The following ARID5A variants were observed in gnomAD, a reference collection of about 807,000 sequenced individuals.
ARID5A encodes AT-rich interaction domain 5A.
A neutral mutation model predicts 30.5 loss-of-function variants in ARID5A; 14 were observed. The ratio of observed to expected loss-of-function variants is 0.46; its 90% CI spans 0.30 to 0.72. The LOEUF (loss-of-function observed/expected upper bound fraction) is 0.72, where lower values mean the gene tolerates loss of function less well. Ranked by LOEUF, ARID5A falls within the 30% of genes least tolerant of loss-of-function variation. ARID5A has a pLI of 0.07. For synonymous variants in ARID5A, 338 were observed against 340.4 expected, an observed-to-expected ratio of 0.99 and a Z score of 0.08; for missense variants, 669 against 786.2, an observed-to-expected ratio of 0.85 and a Z score of 1.78.
Position 96,551,693 on chromosome 2 carries a change from T to C in ARID5A, c.1165T>C (p.Trp389Arg). The part of the protein sequence containing the change: ...GLSVKEPQLV[W>R]GGDANRPSAF... ...GTCAGTGAAAGAGCCCCAGCTGGTG[T>C]GGGGCGGAGACGCTAACCGCCCTTC... The change falls in exon 7 of 7, where the codon TGG becomes CGG. Residue 389 changes from tryptophan (W) to arginine (R), a missense_variant. Physicochemically the swap from Trp to Arg is moderately radical, Grantham distance 101 (BLOSUM62 -3). Around this residue, in one of 4 missense-constraint regions of ARID5A, gnomAD observed 548 missense variants for 577.4 expected, o/e 0.95. Coordinates refer to ENST00000357485, the MANE Select transcript of ARID5A (RefSeq NM_212481.3). 1 of 1,521,720 alleles carries C rather than the reference T, an allele frequency of 6.6e-7. No homozygotes were observed. The highest frequency in any genetic ancestry group is 8.8e-7 in the Non-Finnish European group (1 of 1,137,620). 94.3% of individuals were successfully genotyped at this position (1,521,720 alleles called of 1,614,324 possible).
intron 1 of ARID5A, among the ~76,000 whole-genome samples, chr2:96,547,183 G>T (rs2065943751): frequency 6.6e-6 from 1 of 151,324 alleles, no homozygotes; most frequent in Admixed American, 6.6e-5. Flanking sequence ...TAGAGACGGG[G>T]TCTCACTACG....
Position 96,549,750 on chromosome 2 carries a change from C to T in ARID5A, c.260-3C>T, listed in dbSNP as rs371474041. ...ACGGCCAGCCTGCTCTTCTCTCCCC[C>T]AGTTAACCTGTGGAAGATCTACAAA... On this transcript the variant is annotated splice_region_variant and splice_polypyrimidine_tract_variant and intron_variant, in intron 3 of 6. Coordinates refer to ENST00000357485, the MANE Select transcript of ARID5A (RefSeq NM_212481.3). This position sits in a 1 kb window ranked among gnomAD's most constrained non-coding sequence, Gnocchi z 6.1. 6.4e-5 allele frequency: 103 copies of T among 1,613,834 alleles called. No individual in the cohort carries two copies. The highest frequency in any genetic ancestry group is 8.5e-5 in the Non-Finnish European group (100 of 1,179,970).
chr2:96,547,822 G>A (rs2065955529), intron 2 of ARID5A, among the ~76,000 whole-genome samples: 1 of 152,212 alleles, frequency 6.6e-6, no homozygotes, highest in Non-Finnish European at 1.5e-5. Context: ...TGCATAACAT[G>A]GGCGTATAAA....
rs2065753188 is a variant in ARID5A at position 96,537,328 on chromosome 2, T to A, written c.4+498T>A. ...ACTCCGGGTCCAGAGCGCGCGGCCC[T>A]TTCCTCTGCGGCCGCCGTTTCCTGA... On this transcript the variant is annotated intron_variant, in intron 1 of 6. Coordinates refer to ENST00000357485, the MANE Select transcript of ARID5A (RefSeq NM_212481.3). This position sits in a 1 kb window ranked among gnomAD's most constrained non-coding sequence, Gnocchi z 4.8. The A allele has an allele frequency of 6.6e-6, 1 of 152,582 alleles. No homozygotes were observed. The highest frequency in any genetic ancestry group is 6.7e-5 in the Admixed American group (1 of 15,022). 9.5% of individuals were successfully genotyped at this position (152,582 alleles called of 1,614,324 possible). A position where few individuals can be genotyped will look rare whatever the true frequency, so the allele number is the denominator to read the frequency against.
chr2:96,549,550 C>A lies in ARID5A; in HGVS notation c.259+91C>A, dbSNP rs970646380. On this transcript the variant is annotated intron_variant, in intron 3 of 6. Coordinates refer to ENST00000357485, the MANE Select transcript of ARID5A (RefSeq NM_212481.3). The surrounding 1 kb of genome is among the most constrained non-coding windows in gnomAD (Gnocchi z 6.1). ...GGCAGGCACTCCCACTCTGGGTGAC[C>A]CAGGTTGCAGATAGAAAGGAGGCCT... The A allele has an allele frequency of 7.1e-6, 11 of 1,550,342 alleles. No individual in the cohort carries two copies. Among genetic ancestry groups the A allele is most frequent in the Non-Finnish European group, 7.9e-6 (9 of 1,136,246 alleles).
Position 96,551,257 on chromosome 2 carries a change from A to G in ARID5A, c.729A>G (p.Leu243=), listed in dbSNP as rs1199085483. Residue 243 remains leucine (L), a synonymous_variant, in exon 7 of 7, where the codon CTA becomes CTG. Transcript: ENST00000357485. ...GTCCTGAGGCCTACAAGCGGCTCCT[A>G]TCCAGCTTCTACTGCAAGGGGACAC... is the stretch of plus-strand genomic sequence containing the variant. ...SGCPEAYKRL[L]SSFYCKGTHG... is the part of the protein sequence containing the mutation. 9.3e-6 allele frequency: 15 copies of G among 1,613,892 alleles called. No individual in the cohort carries two copies. Among genetic ancestry groups the G allele is most frequent in the East Asian group, 4.5e-5 (2 of 44,878 alleles).
intron 2 of ARID5A, among the ~76,000 whole-genome samples, chr2:96,548,361 G>T (rs1347229350): frequency 6.6e-6 from 1 of 152,134 alleles, no homozygotes; most frequent in African/African-American, 2.4e-5. Flanking sequence ...CAGCTCCTGG[G>T]TTCAAATGAT....
At position 96,551,108 on chromosome 2, in the gene ARID5A, G is replaced by A; in HGVS notation, c.580G>A (p.Gly194Arg). 6.2e-7 allele frequency: 1 copy of A among 1,611,082 alleles called. No individual in the cohort carries two copies. Among genetic ancestry groups the A allele is most frequent in the Non-Finnish European group, 8.5e-7 (1 of 1,178,416 alleles). Residue 194 changes from glycine (G) to arginine (R), a missense_variant, in exon 7 of 7, where the codon GGA becomes AGA. By Grantham distance (125) the Gly-to-Arg change is moderately radical (BLOSUM62 -2). Coordinates refer to ENST00000357485, the MANE Select transcript of ARID5A (RefSeq NM_212481.3). ...EERRMDQMMP[G>R]KTKADAADPA... ...CTTTCTCTCATTCCAGATGATGCCA[G>A]GAAAGACCAAAGCAGATGCTGCTGA...
rs1277834812 is a variant in ARID5A, at chr2:96,550,408, C to T, written c.410+123C>T. The T allele has an allele frequency of 1.3e-5, 18 of 1,430,784 alleles. No individual in the cohort carries two copies. The highest frequency in any genetic ancestry group is 1.5e-5 in the South Asian group (1 of 67,406). The allele number at this position is 1,430,784 out of a possible 1,614,324, so 88.6% of individuals were successfully genotyped here. A position where few individuals can be genotyped will look rare whatever the true frequency, so the allele number is the denominator to read the frequency against. On this transcript the variant is annotated intron_variant, in intron 5 of 6. Transcript: ENST00000357485. The surrounding 1 kb of genome is among the most constrained non-coding windows in gnomAD (Gnocchi z 6.6). Reference sequence around the variant, plus strand: ...AGGGTATGCGCCGTCCTCAGAGCTGCGGGAGCCCAGGCTGGCTGGGCGCAC... The same window carrying T: ...AGGGTATGCGCCGTCCTCAGAGCTGTGGGAGCCCAGGCTGGCTGGGCGCAC...
chr2:96,543,224 C>T (rs1300123978), intron 1 of ARID5A, among the ~76,000 whole-genome samples: 1 of 152,168 alleles, frequency 6.6e-6, no homozygotes, highest in Non-Finnish European at 1.5e-5. Context: ...GAATCCTGGT[C>T]CCCCAGGGAG....
chr2:96,548,169 T>G (rs1352142512), intron 2 of ARID5A, among the ~76,000 whole-genome samples: 1 of 152,228 alleles, frequency 6.6e-6, no homozygotes, highest in Non-Finnish European at 1.5e-5. Flanking sequence ...CCTATGTTGT[T>G]TCTTCTTAGA....
At position 96,550,989 on chromosome 2, in the gene ARID5A, C is replaced by CT; in HGVS notation, c.571-109dup. 1 of 1,331,566 alleles carries CT rather than the reference C, an allele frequency of 7.5e-7. No homozygotes were observed. Among genetic ancestry groups the CT allele is most frequent in the Middle Eastern group, 1.9e-4 (1 of 5,176 alleles). 82.5% of individuals were successfully genotyped at this position (1,331,566 alleles called of 1,614,324 possible). A position where few individuals can be genotyped will look rare whatever the true frequency, so the allele number is the denominator to read the frequency against. ...CCTTTGGAAAATTCTGTACAGAGGA[C>CT]TGCAGGGGCTGGCGGGGGACCTGGG... On this transcript the variant is annotated intron_variant, in intron 6 of 6. Coordinates refer to ENST00000357485, the MANE Select transcript of ARID5A (RefSeq NM_212481.3). This position sits in a 1 kb window ranked among gnomAD's most constrained non-coding sequence, Gnocchi z 6.6.
At position 96,551,275 on chromosome 2, in the gene ARID5A, G is replaced by A. The variant is rs1298135030; in HGVS notation, c.747G>A (p.Lys249=). 6.2e-7 allele frequency: 1 copy of A among 1,613,928 alleles called. No homozygotes were observed. Among genetic ancestry groups the A allele is most frequent in the Non-Finnish European group, 8.5e-7 (1 of 1,180,018 alleles). Reference sequence around the variant, plus strand: ...GGCTCCTATCCAGCTTCTACTGCAAGGGGACACACGGCATCATGTCACCAC... The same window carrying A: ...GGCTCCTATCCAGCTTCTACTGCAAAGGGACACACGGCATCATGTCACCAC... ...YKRLLSSFYC[K]GTHGIMSPLA... The change falls in exon 7 of 7, where the codon AAG becomes AAA. Residue 249 remains lysine (K), a synonymous_variant. Transcript: ENST00000357485.
chr2:96,552,079 C>T lies in ARID5A; in HGVS notation c.1551C>T (p.Pro517=), dbSNP rs1325618488. The T allele has an allele frequency of 7.5e-6, 12 of 1,592,532 alleles. No homozygotes were observed. Among genetic ancestry groups the T allele is most frequent in the Non-Finnish European group, 9.4e-6 (11 of 1,169,160 alleles). ...CPLNFTGTPG[P]LKGQAALPFS... ...TGAACTTCACTGGCACCCCGGGCCC[C>T]TTGAAGGGCCAGGCTGCACTCCCCT... The change falls in exon 7 of 7, where the codon CCC becomes CCT. Residue 517 remains proline, a synonymous_variant. Coordinates refer to ENST00000357485, the MANE Select transcript of ARID5A (RefSeq NM_212481.3).
intron 1 of ARID5A, among the ~76,000 whole-genome samples, chr2:96,545,139 C>CTTTTCT (rs1177441935): frequency 1.4e-5 from 2 of 143,604 alleles, no homozygotes; most frequent in Admixed American, 7.0e-5. Flanking sequence ...CTTTCCTTTT[C>CTTTTCT]TTTTCTTTTT....
In ARID5A at chr2:96,550,550, G is replaced by A; in HGVS notation, c.411-24G>A. 1 of 1,582,044 alleles carries A rather than the reference G, an allele frequency of 6.3e-7. No homozygotes were observed. Among genetic ancestry groups the A allele is most frequent in the South Asian group, 1.2e-5 (1 of 86,654 alleles). ...GAGGGGATGGGCGCCGGCCTCCTGG[G>A]GGACATGCGTGGTTCCTCACCAGGC... is the stretch of plus-strand genomic sequence containing the variant. On this transcript the variant is annotated intron_variant, in intron 5 of 6. Coordinates refer to ENST00000357485, the MANE Select transcript of ARID5A (RefSeq NM_212481.3). This position sits in a 1 kb window ranked among gnomAD's most constrained non-coding sequence, Gnocchi z 6.6.
chr2:96,550,545 C>T lies in ARID5A; in HGVS notation c.411-29C>T, dbSNP rs1244950846. 2 of 1,576,102 alleles carry T rather than the reference C, an allele frequency of 1.3e-6. No homozygotes were observed. The highest frequency in any genetic ancestry group is 1.7e-6 in the Non-Finnish European group (2 of 1,161,554). ...CCAGGGAGGGGATGGGCGCCGGCCT[C>T]CTGGGGGACATGCGTGGTTCCTCAC... On this transcript the variant is annotated intron_variant, in intron 5 of 6. Transcript: ENST00000357485. This position sits in a 1 kb window ranked among gnomAD's most constrained non-coding sequence, Gnocchi z 6.6.
In ARID5A at chr2:96,551,296, A is replaced by T; in HGVS notation, c.768A>T (p.Ser256=). 1 of 1,613,778 alleles carries T rather than the reference A, an allele frequency of 6.2e-7. No individual in the cohort carries two copies. The highest frequency in any genetic ancestry group is 1.1e-5 in the South Asian group (1 of 91,086). ...GCAAGGGGACACACGGCATCATGTC[A>T]CCACTGGCCAAAAAGAAGCTCCTGG... ...FYCKGTHGIM[S]PLAKKKLLAQ... is the part of the protein sequence containing the mutation. The change falls in exon 7 of 7, where the codon TCA becomes TCT. Residue 256 remains serine, a synonymous_variant. Transcript: ENST00000357485.
rs771330048 is a variant in ARID5A at position 96,551,167 on chromosome 2, G to C, written c.639G>C (p.Arg213Ser). Residue 213 changes from arginine (R) to serine (S), a missense_variant, in exon 7 of 7, where the codon AGG (arginine) becomes AGC (serine). Arg to Ser is a moderately radical substitution (Grantham distance 110). Transcript: ENST00000357485. The stretch of plus-strand genomic sequence containing the variant: ...CACTTCCCAGCCAGGAGCCCCCCAG[G>C]AACAGCACAGAACAGCAGGGCCTGG... The part of the protein sequence containing the change: ...PAPLPSQEPP[R>S]NSTEQQGLAS... The C allele has an allele frequency of 7.4e-6, 12 of 1,613,952 alleles. No homozygotes were observed. Among genetic ancestry groups the C allele is most frequent in the Non-Finnish European group, 1.0e-5 (12 of 1,179,992 alleles).
Sources: gnomAD v4.1 joint callset for allele counts (sites outside exome capture counted in the v4.1 genomes callset) on GRCh38, gnomAD v4.1.1 for gene constraint, gnomAD v4.1.1 regional missense constraint, Gnocchi (gnomAD v3.1) non-coding constraint, MANE v1.5 for transcripts, NCBI Gene and HGNC (gene_info 2026-07-23, HGNC 2026-07-21) for gene names.